Variants in SORCS3 observed in about 807,000 individuals in gnomAD.
SORCS3 encodes sortilin related VPS10 domain containing receptor 3.
SORCS3 carries 57 observed loss-of-function variants against 146.3 expected under a neutral mutation model. The ratio of observed to expected loss-of-function variants is 0.39; its 90% CI spans 0.31 to 0.49. SORCS3 has a LOEUF of 0.49. SORCS3 is among the 20% of genes least tolerant of loss of function. The probability of loss-of-function intolerance (pLI) is 0.92; values close to 1 mark genes in which losing one functional copy is unlikely to be tolerated. For missense variants in SORCS3, 1,341 were observed against 1,575.5 expected, an observed-to-expected ratio of 0.85 and a Z score of 2.52; for synonymous variants, 653 against 618.5, an observed-to-expected ratio of 1.06 and a Z score of -0.83.
At chr10:104,876,402 A>C (rs987362773) in intron 2 of SORCS3, among the ~76,000 whole-genome samples, 1 of 152,136 alleles carries the variant, frequency 6.6e-6, no homozygotes, top group Non-Finnish European at 1.5e-5. Flanking sequence ...TATTTTCTAG[A>C]TATGCACTCT....
At chr10:105,212,098 G>T (rs1267604327) in intron 17 of SORCS3, among the ~76,000 whole-genome samples, 3 of 152,266 alleles carry the variant, frequency 2.0e-5, no homozygotes, top group African/African-American at 7.2e-5. Context: ...TGATGCTTTT[G>T]TCATAGCTAG....
intron 9 of SORCS3, among the ~76,000 whole-genome samples, chr10:105,150,178 T>C (rs2864040): frequency 0.45 from 67,616 of 151,944 alleles, 16,060 homozygotes; most frequent in Non-Finnish European, 0.53. Flanking sequence ...ATTTACCTGG[T>C]CAATGCTGGA....
chr10:105,079,692 T>C (rs2055610599), intron 5 of SORCS3, among the ~76,000 whole-genome samples: 1 of 152,152 alleles, frequency 6.6e-6, no homozygotes, highest in South Asian at 2.1e-4. Context: ...GAGTACCCTA[T>C]AGTTATATTT....
intron 1 of SORCS3, among the ~76,000 whole-genome samples, chr10:104,727,854 G>C (rs772597789): frequency 2.6e-5 from 4 of 152,068 alleles, no homozygotes; most frequent in Non-Finnish European, 5.9e-5. Flanking sequence ...AAGGGATCTA[G>C]GTTGCATCCT....
At chr10:105,131,998 A>G (rs2056022835) in intron 7 of SORCS3, among the ~76,000 whole-genome samples, 1 of 152,094 alleles carries the variant, frequency 6.6e-6, no homozygotes, top group Non-Finnish European at 1.5e-5. Flanking sequence ...ATCAGTGAAC[A>G]TATTTTCTGG....
intron 2 of SORCS3, among the ~76,000 whole-genome samples, chr10:104,879,388 A>C (rs1408694332): frequency 1.3e-5 from 2 of 151,476 alleles, no homozygotes; most frequent in African/African-American, 2.4e-5. Flanking sequence ...TCACCTCACC[A>C]CTCTCTGACC....
intron 17 of SORCS3, among the ~76,000 whole-genome samples, chr10:105,212,468 C>A (rs1166785588): frequency 1.3e-5 from 2 of 152,240 alleles, no homozygotes; most frequent in East Asian, 3.9e-4. Flanking sequence ...CAGTCAGGGC[C>A]TAAGCTGAAT....
intron 20 of SORCS3, among the ~76,000 whole-genome samples, chr10:105,232,402 G>A (rs545808845): frequency 1.3e-4 from 20 of 151,732 alleles, no homozygotes; most frequent in Admixed American, 3.9e-4. Context: ...CTTTCATTTC[G>A]GATATTAGTA....
At chr10:105,039,454 T>C (rs1198637860) in intron 4 of SORCS3, among the ~76,000 whole-genome samples, 6 of 135,472 alleles carry the variant, frequency 4.4e-5, no homozygotes, top group African/African-American at 8.6e-5. Context: ...TCGCTCTCTT[T>C]TTTTTTTTTT....
At chr10:105,064,043 A>G (rs935390012) in intron 5 of SORCS3, among the ~76,000 whole-genome samples, 2 of 152,228 alleles carry the variant, frequency 1.3e-5, no homozygotes, top group African/African-American at 4.8e-5. Flanking sequence ...TCATTAATTG[A>G]TTACTTCAAG....
At chr10:104,957,184 G>A (rs2133631459) in intron 3 of SORCS3, among the ~76,000 whole-genome samples, 1 of 152,214 alleles carries the variant, frequency 6.6e-6, no homozygotes, top group South Asian at 2.1e-4. Flanking sequence ...AAGAAAGCAA[G>A]GTGAAATGTA....
chr10:104,869,249 G>A (rs1239750750), intron 2 of SORCS3, among the ~76,000 whole-genome samples: 1 of 152,150 alleles, frequency 6.6e-6, no homozygotes, highest in African/African-American at 2.4e-5. Context: ...GTTTCACAAT[G>A]TGTAAATTTC....
intron 3 of SORCS3, among the ~76,000 whole-genome samples, chr10:104,936,996 A>G (rs2019266655): frequency 6.6e-6 from 1 of 152,208 alleles, no homozygotes; most frequent in Admixed American, 6.5e-5. Flanking sequence ...TTTTGGTACC[A>G]GGGACCAGTT....
intron 4 of SORCS3, among the ~76,000 whole-genome samples, chr10:105,027,913 A>T (rs919059311): frequency 3.3e-5 from 5 of 152,212 alleles, no homozygotes; most frequent in African/African-American, 9.6e-5. Context: ...ATGAATCACT[A>T]TATGTATTTA....
intron 3 of SORCS3, among the ~76,000 whole-genome samples, chr10:104,974,359 C>G (rs187828015): frequency 1.0e-3 from 154 of 152,222 alleles, no homozygotes; most frequent in Admixed American, 2.2e-3. Context: ...TCAGGACTTG[C>G]TTTATGAACC....
At chr10:104,753,429 A>G (rs929441714) in intron 1 of SORCS3, among the ~76,000 whole-genome samples, 1 of 152,216 alleles carries the variant, frequency 6.6e-6, no homozygotes, top group African/African-American at 2.4e-5. Context: ...TGAATACACT[A>G]AAGACCCGAA....
At chr10:105,077,612 T>G (rs915787819) in intron 5 of SORCS3, among the ~76,000 whole-genome samples, 3 of 151,688 alleles carry the variant, frequency 2.0e-5, no homozygotes, top group Non-Finnish European at 4.4e-5. Flanking sequence ...ATAGTTAGAC[T>G]TTAGGCAGAA....
chr10:105,143,949 T>C (rs2056112901), intron 8 of SORCS3, among the ~76,000 whole-genome samples: 1 of 152,146 alleles, frequency 6.6e-6, no homozygotes, highest in African/African-American at 2.4e-5. Context: ...TCTCCCTGCC[T>C]CTAGCATTGC....
Position 104,820,044 on chromosome 10 carries a change from G to A in SORCS3, c.628-22748G>A, listed in dbSNP as rs137942377. 2.2e-3 allele frequency among the ~76,000 whole-genome samples: 337 copies of A among 152,306 alleles called. 2 individuals are homozygous for A. The highest frequency in any genetic ancestry group is 3.7e-3 in the Non-Finnish European group (252 of 68,024). ...TTTACTTTAAACTTAGTCTTAAGGA[G>A]ATTCTAGTGGAGGTTCTCATATGCA... On this transcript the variant is annotated intron_variant, in intron 1 of 26. Coordinates refer to ENST00000369701, the MANE Select transcript of SORCS3 (RefSeq NM_014978.3).
Sources: allele counts gnomAD v4.1 joint callset (sites outside exome capture counted in the v4.1 genomes callset), GRCh38; gene constraint gnomAD v4.1.1; transcripts MANE v1.5; gene names NCBI Gene and HGNC (gene_info 2026-07-23, HGNC 2026-07-21).